Variants in RAD51B observed in about 807,000 individuals in gnomAD.
The protein encoded by RAD51B is RAD51 paralog B, also known as DNA repair protein RAD51 homolog 2.
Under a neutral mutation model 42.2 loss-of-function variants are expected in RAD51B, and 38 were observed. The observed-to-expected ratio is 0.90, with a 90% CI of 0.70 to 1.18. RAD51B has a LOEUF of 1.18. RAD51B is among the 50% of genes most tolerant of loss of function. The pLI is 0.00. For synonymous variants in RAD51B, 154 were observed against 145.2 expected (o/e 1.06, Z -0.43); for missense variants, 373 against 400.7 (o/e 0.93, Z 0.59).
intron 7 of RAD51B, among the ~76,000 whole-genome samples, chr14:68,059,001 A>G (rs1388696057): frequency 1.3e-5 from 2 of 152,168 alleles, no homozygotes; most frequent in Non-Finnish European, 2.9e-5. Flanking sequence ...AAAGAAAACT[A>G]TTGATAACCC....
intron 7 of RAD51B, among the ~76,000 whole-genome samples, chr14:68,065,633 A>G (rs986003229): frequency 7.9e-5 from 12 of 152,006 alleles, no homozygotes; most frequent in African/African-American, 1.5e-4. Context: ...TTCTGCTTGG[A>G]TGCCAGTCCC....
At chr14:68,574,276 C>T (rs897875579) in intron 10 of RAD51B, among the ~76,000 whole-genome samples, 3 of 152,048 alleles carry the variant, frequency 2.0e-5, no homozygotes, top group Non-Finnish European at 4.4e-5. Context: ...CTGCACGCAC[C>T]AGCATCTCAC....
intron 7 of RAD51B, among the ~76,000 whole-genome samples, chr14:68,071,518 C>T (rs7150168): frequency 0.26 from 39,325 of 151,912 alleles, 6,576 homozygotes; most frequent in African/African-American, 0.48. Flanking sequence ...GAGATAATCA[C>T]GTGGCTTTTG....
At chr14:67,844,641 T>A (rs1258506856) in intron 4 of RAD51B, among the ~76,000 whole-genome samples, 2 of 149,756 alleles carry the variant, frequency 1.3e-5, no homozygotes, top group Non-Finnish European at 3.0e-5. Flanking sequence ...TTATTATAGT[T>A]TAAGTTCTAG....
intron 7 of RAD51B, among the ~76,000 whole-genome samples, chr14:68,139,323 C>G (rs1334897896): frequency 3.3e-5 from 5 of 151,856 alleles, no homozygotes; most frequent in Non-Finnish European, 7.4e-5. Flanking sequence ...AAGATTGAAC[C>G]TTGTACTTTG....
chr14:68,221,494 G>C (rs181997214), intron 7 of RAD51B, among the ~76,000 whole-genome samples: 2 of 152,178 alleles, frequency 1.3e-5, no homozygotes, highest in African/African-American at 4.8e-5. Flanking sequence ...CCACATGTAG[G>C]AGAATGAAAC....
At chr14:68,328,148 T>C (rs943008151) in intron 8 of RAD51B, among the ~76,000 whole-genome samples, 8 of 152,122 alleles carry the variant, frequency 5.3e-5, no homozygotes, top group Non-Finnish European at 1.2e-4. Context: ...CACTGCAAAA[T>C]TTTGATCAGA....
At chr14:68,303,457 TAAAAAAA>T (rs58955054) in intron 8 of RAD51B, among the ~76,000 whole-genome samples, 9 of 138,740 alleles carry the variant, frequency 6.5e-5, no homozygotes, top group African/African-American at 5.5e-5. Context: ...TAAAGTATAA[TAAAAAAA>T]AAAAAAAAAA....
rs1346676255 is a variant in RAD51B, at chr14:67,946,172, C to T, written c.756+58968C>T. 4.6e-5 allele frequency among the ~76,000 whole-genome samples: 7 copies of T among 152,050 alleles called. No individual in the cohort carries two copies. In the East Asian group the frequency reaches 5.8e-4, roughly 13 times the overall value. On this transcript the variant is annotated intron_variant, in intron 7 of 10. Coordinates refer to ENST00000471583, the MANE Select transcript of RAD51B (RefSeq NM_133510.4). The stretch of plus-strand genomic sequence containing the variant: ...CTGTTTTGAAATGAGGGATACCTTT[C>T]GGGGAATTTGAAAATACTTTTTTCT...
intron 7 of RAD51B, among the ~76,000 whole-genome samples, chr14:67,893,488 ACACACACAC>A (rs2140071437): frequency 2.7e-5 from 2 of 73,172 alleles, no homozygotes; most frequent in African/African-American, 1.5e-4. Context: ...ACACACACAC[ACACACACAC>A]ACACACACAC....
chr14:68,280,743 T>C (rs1419514770), intron 7 of RAD51B, among the ~76,000 whole-genome samples: 4 of 152,158 alleles, frequency 2.6e-5, no homozygotes, highest in African/African-American at 7.2e-5. Flanking sequence ...ACTAAGTTAC[T>C]TGGTATTGAT....
chr14:68,175,340 A>C (rs1378554845), intron 7 of RAD51B, among the ~76,000 whole-genome samples: 1 of 152,218 alleles, frequency 6.6e-6, no homozygotes, highest in Non-Finnish European at 1.5e-5. Flanking sequence ...AGAGCAATTT[A>C]AGTACTGAAT....
At chr14:68,228,645 A>G (rs920564548) in intron 7 of RAD51B, among the ~76,000 whole-genome samples, 1 of 152,210 alleles carries the variant, frequency 6.6e-6, no homozygotes, top group African/African-American at 2.4e-5. Flanking sequence ...GTTGAATGAC[A>G]TGAATGAATG....
intron 9 of RAD51B, among the ~76,000 whole-genome samples, chr14:68,426,749 G>A (rs7148890): frequency 0.054 from 8,259 of 152,224 alleles, 689 homozygotes; most frequent in African/African-American, 0.18. Context: ...CATTTGATAA[G>A]GAGATTAGTA....
At chr14:67,916,019 G>A (rs2044139235) in intron 7 of RAD51B, among the ~76,000 whole-genome samples, 1 of 152,202 alleles carries the variant, frequency 6.6e-6, no homozygotes, top group Non-Finnish European at 1.5e-5. Flanking sequence ...AATATATCAT[G>A]TACCACAAAG....
At chr14:67,909,979 T>G (rs1332647819) in intron 7 of RAD51B, among the ~76,000 whole-genome samples, 1 of 152,234 alleles carries the variant, frequency 6.6e-6, no homozygotes, top group Non-Finnish European at 1.5e-5. Flanking sequence ...TATAAATACC[T>G]CAGTTGCATA....
chr14:68,427,088 G>A (rs1341752247), intron 9 of RAD51B, among the ~76,000 whole-genome samples: 2 of 152,262 alleles, frequency 1.3e-5, no homozygotes, highest in African/African-American at 4.8e-5. Context: ...CATGCAGAAT[G>A]TATGAGCTCT....
At chr14:68,219,561 TC>T (rs2079883937) in intron 7 of RAD51B, among the ~76,000 whole-genome samples, 1 of 151,940 alleles carries the variant, frequency 6.6e-6, no homozygotes, top group Non-Finnish European at 1.5e-5. Flanking sequence ...GCCCAAGAGC[TC>T]CACTAGATGG....
intron 10 of RAD51B, among the ~76,000 whole-genome samples, chr14:68,644,082 C>G (rs1435336857): frequency 6.6e-6 from 1 of 152,198 alleles, no homozygotes; most frequent in Non-Finnish European, 1.5e-5. Context: ...ATTCCCTCTC[C>G]TCCCTTCTTC....
Sources: gnomAD v4.1 joint callset for allele counts (sites outside exome capture counted in the v4.1 genomes callset) on GRCh38, gnomAD v4.1.1 for gene constraint, MANE v1.5 for transcripts, NCBI Gene and HGNC (gene_info 2026-07-23, HGNC 2026-07-21) for gene names.